Variants in ADGRF1 observed in about 807,000 individuals in gnomAD.
The protein encoded by ADGRF1 is G protein-coupled receptor 110.
ADGRF1 carries 85 observed loss-of-function variants against 87.2 expected under a neutral mutation model. The ratio of observed to expected loss-of-function variants is 0.97; its 90% CI spans 0.82 to 1.17. ADGRF1 has a LOEUF of 1.17. ADGRF1 is among the 50% of genes most tolerant of loss of function. The pLI is 0.00. For missense variants in ADGRF1, 1,169 were observed against 1,077.2 expected (o/e 1.09, Z -1.19); for synonymous variants, 430 against 408.8 (o/e 1.05, Z -0.63).
At chr6:47,016,918 A>G (rs1779897569) in intron 7 of ADGRF1, 150 bp from the exon 8 acceptor site, 2 of 951,586 alleles carry the variant, frequency 2.1e-6, no homozygotes, top group Non-Finnish European at 2.8e-6. Flanking sequence ...AAATAAAAAA[A>G]CAAGTATCCA....
chr6:47,013,234 A>G, intron 9 of ADGRF1: 5 of 985,442 alleles, frequency 5.1e-6, no homozygotes, highest in Non-Finnish European at 6.0e-6. Context: ...CTCAACTGAC[A>G]ATGCTGTTTT....
chr6:47,012,299 GTTC>G, intron 9 of ADGRF1, 104 bp from the exon 10 acceptor site: 1 of 1,506,072 alleles, frequency 6.6e-7, no homozygotes, highest in African/African-American at 1.4e-5. Context: ...TGTATGGTGT[GTTC>G]TAATGTAGGA....
At chr6:47,022,554 A>C (rs1397755083) in intron 5 of ADGRF1, among the ~76,000 whole-genome samples, 1 of 152,208 alleles carries the variant, frequency 6.6e-6, no homozygotes, top group African/African-American at 2.4e-5. Context: ...CTCTTCCACA[A>C]GGTCTTCTCT....
intron 1 of ADGRF1, among the ~76,000 whole-genome samples, chr6:47,030,337 C>A (rs752972478): frequency 6.6e-6 from 1 of 152,158 alleles, no homozygotes; most frequent in Non-Finnish European, 1.5e-5. Context: ...TTATGCCCCA[C>A]CTTCCTGTTT....
chr6:47,025,965 A>G lies in ADGRF1; in HGVS notation c.166T>C (p.Tyr56His), dbSNP rs754579650. ...EEYQLLLQVT[Y>H]RDSKEKRDLR... ...TCTCTTTTCTCCTTGGAATCTCTAT[A>G]GGTCACCTGAAGCAGCAGCTGATAT... is the stretch of plus-strand genomic sequence containing the variant. The change falls in exon 4 of 15, where the codon TAT becomes CAT. Residue 56 changes from tyrosine to histidine, a missense_variant. By Grantham distance (83) the Tyr-to-His change is moderately conservative. Transcript: ENST00000371253. 19 of 1,609,764 alleles carry G rather than the reference A, an allele frequency of 1.2e-5. No homozygotes were observed. In the Admixed American group the frequency reaches 3.2e-4, roughly 27 times the overall value.
chr6:47,018,252 C>T, intron 7 of ADGRF1: 1 of 564,330 alleles, frequency 1.8e-6, no homozygotes, highest in Non-Finnish European at 2.7e-6. Context: ...CATGAAAGCA[C>T]ATGAGATCAA....
chr6:47,024,035 G>C lies in ADGRF1; in HGVS notation c.451+9C>G, dbSNP rs189218622. On this transcript the variant is annotated intron_variant, in intron 5 of 14. Transcript: ENST00000371253. ...GAAGCCCCAGCCCAGAGCATTCTTAGTTGCTTACTTGTTCTCTCACAGAAA... is the reference window on the plus strand; with the variant it reads ...GAAGCCCCAGCCCAGAGCATTCTTACTTGCTTACTTGTTCTCTCACAGAAA... 3.3e-4 allele frequency: 525 copies of C among 1,612,352 alleles called. 4 individuals are homozygous for C. In the African/African-American group the frequency reaches 6.3e-3, roughly 19 times the overall value.
At chr6:47,008,482 T>C (rs1044338508) in intron 11 of ADGRF1, among the ~76,000 whole-genome samples, 2 of 152,240 alleles carry the variant, frequency 1.3e-5, no homozygotes, top group African/African-American at 4.8e-5. Flanking sequence ...CATATGTACA[T>C]AAATAAGCAT....
At chr6:47,029,863 T>C (rs1169705205) in intron 1 of ADGRF1, among the ~76,000 whole-genome samples, 1 of 152,202 alleles carries the variant, frequency 6.6e-6, no homozygotes, top group Non-Finnish European at 1.5e-5. Context: ...GGCTACCATA[T>C]TGGGTAGCTC....
chr6:47,024,438 C>T (rs1252920244), intron 4 of ADGRF1: 1 of 440,738 alleles, frequency 2.3e-6, no homozygotes. Context: ...CGTCAGCCAC[C>T]TGAGTAGCTG....
At chr6:47,003,134 G>C (rs1448720550) in intron 13 of ADGRF1, among the ~76,000 whole-genome samples, 1 of 151,236 alleles carries the variant, frequency 6.6e-6, no homozygotes, top group Non-Finnish European at 1.5e-5. Context: ...TGAAAAACTA[G>C]TTGAGGTTAT....
chr6:47,010,882 G>C (rs542159282), intron 10 of ADGRF1, among the ~76,000 whole-genome samples: 4 of 152,224 alleles, frequency 2.6e-5, no homozygotes, highest in Non-Finnish European at 5.9e-5. Flanking sequence ...GGGTTTTAAG[G>C]GTCAGTCTTA....
intron 10 of ADGRF1, 118 bp downstream of exon 10, chr6:47,011,889 T>C (rs1779717084): frequency 5.7e-6 from 5 of 876,802 alleles, no homozygotes; most frequent in Non-Finnish European, 6.9e-6. Context: ...AAAGTTCACA[T>C]AAAGACGCAT....
intron 7 of ADGRF1, 124 bp from the exon 8 acceptor site, chr6:47,016,892 G>A: frequency 7.6e-7 from 1 of 1,317,766 alleles, no homozygotes. Flanking sequence ...TTACATTCTA[G>A]TGGATAAGGC....
In ADGRF1 at chr6:47,025,765, A is replaced by G. The variant is rs1038323286; in HGVS notation, c.277+89T>C. On this transcript the variant is annotated intron_variant, in intron 4 of 14. Transcript: ENST00000371253. The stretch of plus-strand genomic sequence containing the variant: ...CTTTTAAATCACAGAGATTGTAGGG[A>G]TGATTGTTTCCACAGCATAACCCAA... The G allele has an allele frequency of 8.0e-6, 9 of 1,122,468 alleles. No individual in the cohort carries two copies. In the African/African-American group the frequency reaches 1.2e-4, roughly 16 times the overall value. 69.5% of individuals were successfully genotyped at this position (1,122,468 alleles called of 1,614,324 possible).
intron 12 of ADGRF1, among the ~76,000 whole-genome samples, chr6:47,006,759 T>G (rs1320843821): frequency 2.0e-5 from 3 of 152,214 alleles, no homozygotes; most frequent in Non-Finnish European, 4.4e-5. Flanking sequence ...CACCCACTTA[T>G]GAGTGAAAAT....
Position 47,009,887 on chromosome 6 carries a change from A to G in ADGRF1, c.1548T>C (p.Asn516=), listed in dbSNP as rs1561867605. Residue 516 remains asparagine, a synonymous_variant, in exon 11 of 15, where the codon AAT becomes AAC. Coordinates refer to ENST00000371253, the MANE Select transcript of ADGRF1 (RefSeq NM_153840.4). ...ISTVIQNYSI[N]EVFLFFSKIE... ...TCTTGGAAAAAAATAGGAAAACTTC[A>G]TTTATGGAATAGTTTTGAATAACCG... 9 of 1,614,088 alleles carry G rather than the reference A, an allele frequency of 5.6e-6. No homozygotes were observed. The highest frequency in any genetic ancestry group is 7.6e-6 in the Non-Finnish European group (9 of 1,179,918).
chr6:47,027,179 TC>T (rs1160299494), intron 3 of ADGRF1, among the ~76,000 whole-genome samples: 2 of 152,230 alleles, frequency 1.3e-5, no homozygotes, highest in African/African-American at 4.8e-5. Context: ...TTCATGTCAT[TC>T]CAAGTTGAAA....
intron 1 of ADGRF1, among the ~76,000 whole-genome samples, chr6:47,035,137 T>G (rs1482214711): frequency 1.3e-5 from 2 of 152,204 alleles, no homozygotes; most frequent in Admixed American, 1.3e-4. Context: ...GCCTCATGGG[T>G]TGGCTCTATT....
Sources: gnomAD v4.1 joint callset for allele counts (sites outside exome capture counted in the v4.1 genomes callset) on GRCh38, gnomAD v4.1.1 for gene constraint, MANE v1.5 for transcripts, NCBI Gene and HGNC (gene_info 2026-07-23, HGNC 2026-07-21) for gene names.